RBM33: variants seen among roughly 807,000 people sequenced by gnomAD.
The protein encoded by RBM33 is RNA-binding protein 33.
A neutral mutation model predicts 132.6 loss-of-function variants in RBM33; 28 were observed. The observed-to-expected ratio is 0.21, with a 90% confidence interval of 0.16 to 0.29. The LOEUF (loss-of-function observed/expected upper bound fraction) is 0.29. Among genes scored for constraint, RBM33 ranks in the 10% least tolerant of loss-of-function variants. The pLI is 1.00. For missense variants in RBM33, 1,291 were observed against 1,518.5 expected (o/e 0.85, Z 2.49); for synonymous variants, 634 against 593.0 (o/e 1.07, Z -1.01).
rs1802653683 is a variant in RBM33, at chr7:155,777,487, A to C, written c.*2446A>C. ...GTTTCCTTGAAGGAAACTACAGAAA[A>C]GGAAAGAAGCAGAATGAGAAAGGAA... On this transcript the variant is annotated 3_prime_UTR_variant, in exon 18 of 18. Transcript: ENST00000401878. 6.6e-6 allele frequency: 1 copy of C among 152,196 alleles called. No individual in the cohort carries two copies. Among genetic ancestry groups the C allele is most frequent in the African/African-American group, 2.4e-5 (1 of 41,444 alleles). 9.4% of individuals were successfully genotyped at this position (152,196 alleles called of 1,614,324 possible).
chr7:155,770,645 G>A lies in RBM33; in HGVS notation c.3376-3914G>A, dbSNP rs146557543. On this transcript the variant is annotated intron_variant, in intron 16 of 17. Coordinates refer to ENST00000401878, the MANE Select transcript of RBM33 (RefSeq NM_053043.3). ...AGTGATTCCTTAAGGTGCTAGAATT[G>A]TTGGCCAGAGGGAGAAAAAGAGCTT... is the stretch of plus-strand genomic sequence containing the variant. 1.7e-4 allele frequency among the ~76,000 whole-genome samples: 21 copies of A among 122,542 alleles called. No homozygotes were observed. In the East Asian group the frequency reaches 4.1e-3, roughly 24 times the overall value. The allele number at this position is 122,542 out of a possible 152,430, so 80.4% of individuals were successfully genotyped here. A position where few individuals can be genotyped will look rare whatever the true frequency, so the allele number is the denominator to read the frequency against.
At chr7:155,685,380 C>G (rs1799448534) in intron 5 of RBM33, among the ~76,000 whole-genome samples, 1 of 152,140 alleles carries the variant, frequency 6.6e-6, no homozygotes, top group Non-Finnish European at 1.5e-5. Context: ...TTGGACCATT[C>G]AACAAATACT....
At chr7:155,766,289 T>C (rs1418888970) in intron 15 of RBM33, among the ~76,000 whole-genome samples, 178 bp from the exon 16 acceptor site, 1 of 152,150 alleles carries the variant, frequency 6.6e-6, no homozygotes, top group Non-Finnish European at 1.5e-5. Context: ...TTGCTGGATA[T>C]AGTTGTCTCA....
intron 5 of RBM33, among the ~76,000 whole-genome samples, chr7:155,686,450 A>G (rs1799479662): frequency 6.6e-6 from 1 of 152,000 alleles, no homozygotes; most frequent in Non-Finnish European, 1.5e-5. Flanking sequence ...TGTTAATTCC[A>G]TGTCCTTTTT....
chr7:155,683,625 C>T (rs541459461), intron 5 of RBM33, among the ~76,000 whole-genome samples: 1 of 152,296 alleles, frequency 6.6e-6, no homozygotes, highest in African/African-American at 2.4e-5. Context: ...GGACGCACAG[C>T]TCTGCTGTCC....
chr7:155,680,775 A>G lies in RBM33; in HGVS notation c.434A>G (p.Glu145Gly), dbSNP rs376495229. The G allele has an allele frequency of 1.1e-5, 17 of 1,613,700 alleles. No individual in the cohort carries two copies. The highest frequency in any genetic ancestry group is 1.4e-5 in the Non-Finnish European group (17 of 1,179,810). ...TTGTATACTCAAGAGTACCCAGAAG[A>G]AGGACAGTATGAAGGCCACGAAGCT... Reference protein sequence around the residue: ...SELYTQEYPEEGQYEGHEAEL... With the variant: ...SELYTQEYPEGGQYEGHEAEL... Residue 145 changes from glutamate to glycine, a missense_variant, in exon 5 of 18, where the codon GAA (glutamate) becomes GGA (glycine). Coordinates refer to ENST00000401878, the MANE Select transcript of RBM33 (RefSeq NM_053043.3).
At chr7:155,769,399 C>T (rs1421961406) in intron 16 of RBM33, among the ~76,000 whole-genome samples, 3 of 152,286 alleles carry the variant, frequency 2.0e-5, no homozygotes, top group South Asian at 4.1e-4. Flanking sequence ...CGACTTCTCC[C>T]GAGTCAGCTT....
At position 155,718,403 on chromosome 7, in the gene RBM33, C is replaced by T. The variant is rs899410742; in HGVS notation, c.1220C>T (p.Pro407Leu). The part of the protein sequence containing the change: ...TPVQVPLLPV[P>L]SQPRPAVGPQ... ...CTTGCAGTGCCCTTGCTACCAGTTC[C>T]GAGCCAGCCGAGACCTGCCGTGGGA... is the stretch of plus-strand genomic sequence containing the variant. The change falls in exon 9 of 18, where the codon CCG (proline) becomes CTG (leucine). Residue 407 changes from proline to leucine, a missense_variant. Transcript: ENST00000401878. The T allele has an allele frequency of 1.1e-5, 18 of 1,613,680 alleles. No individual in the cohort carries two copies. The highest frequency in any genetic ancestry group is 1.7e-5 in the Admixed American group (1 of 59,998).
At chr7:155,673,939 A>AGTTGTTGTTTGTTTTT in intron 3 of RBM33, among the ~76,000 whole-genome samples, 1 of 14,358 alleles carries the variant, frequency 7.0e-5, no homozygotes, top group South Asian at 3.4e-3. Flanking sequence ...GTTTAGGCTT[A>AGTTGTTGTTTGTTTTT]GTTTTTTTTT....
Position 155,706,894 on chromosome 7 carries a change from A to G in RBM33, c.774A>G (p.Glu258=). ...LSAEAKAALL[E]FEERERQHKQ... is the part of the protein sequence containing the mutation. ...CAGAGGCCAAGGCAGCATTGCTTGA[A>G]TTTGAAGAAAGGGAGCGACAGCATA... The change falls in exon 7 of 18, where the codon GAA becomes GAG. Residue 258 remains glutamate, a synonymous_variant. Transcript: ENST00000401878. The G allele has an allele frequency of 1.2e-6, 2 of 1,607,144 alleles. No individual in the cohort carries two copies. The highest frequency in any genetic ancestry group is 1.7e-6 in the Non-Finnish European group (2 of 1,177,010).
intron 8 of RBM33, among the ~76,000 whole-genome samples, chr7:155,715,549 C>T (rs1228635920): frequency 2.0e-5 from 3 of 152,200 alleles, no homozygotes; most frequent in African/African-American, 4.8e-5. Context: ...TTAGCAACTA[C>T]TCCAAGGTCA....
chr7:155,665,873 G>C (rs1340306066), intron 2 of RBM33, among the ~76,000 whole-genome samples: 3 of 152,182 alleles, frequency 2.0e-5, no homozygotes, highest in African/African-American at 4.8e-5. Context: ...GGGTGGTGGG[G>C]CTGAGAAATG....
At chr7:155,689,330 A>T (rs9654719) in intron 5 of RBM33, among the ~76,000 whole-genome samples, 4,160 of 152,226 alleles carry the variant, frequency 0.027, 72 homozygotes, top group Middle Eastern at 0.038. Flanking sequence ...CCGCTTTATC[A>T]TTTTTTATTG....
chr7:155,681,684 C>G (rs1461281243), intron 5 of RBM33, among the ~76,000 whole-genome samples: 1 of 151,912 alleles, frequency 6.6e-6, no homozygotes. Context: ...GTGAATGGGG[C>G]TGTTGGGATG....
chr7:155,767,741 A>G (rs1802272158), intron 16 of RBM33, among the ~76,000 whole-genome samples: 1 of 152,198 alleles, frequency 6.6e-6, no homozygotes, highest in South Asian at 2.1e-4. Context: ...TTTGTGATAG[A>G]GCGGGCTCCC....
intron 3 of RBM33, among the ~76,000 whole-genome samples, chr7:155,673,939 A>AGTTGTTGTT (rs144951964): frequency 7.0e-5 from 1 of 14,348 alleles, no homozygotes; most frequent in African/African-American, 2.8e-4. Context: ...GTTTAGGCTT[A>AGTTGTTGTT]GTTTTTTTTT....
chr7:155,649,884 T>G (rs1201510873), intron 1 of RBM33, among the ~76,000 whole-genome samples: 1 of 152,234 alleles, frequency 6.6e-6, no homozygotes, highest in Non-Finnish European at 1.5e-5. Context: ...AACCTTAGCC[T>G]CACCTTCTGC....
chr7:155,673,777 C>CACACACAG (rs1799069732), intron 3 of RBM33, among the ~76,000 whole-genome samples: 1 of 145,254 alleles, frequency 6.9e-6, no homozygotes, highest in Non-Finnish European at 1.5e-5. Flanking sequence ...CGCACACACA[C>CACACACAG]ACACACACAC....
chr7:155,713,826 T>C (rs774945453), intron 8 of RBM33, among the ~76,000 whole-genome samples: 5 of 152,288 alleles, frequency 3.3e-5, no homozygotes, highest in African/African-American at 7.2e-5. Flanking sequence ...AAAAACATCA[T>C]TGATGCAGAT....
Sources: allele counts gnomAD v4.1 joint callset (sites outside exome capture counted in the v4.1 genomes callset), GRCh38; gene constraint gnomAD v4.1.1; transcripts MANE v1.5; gene names NCBI Gene and HGNC (gene_info 2026-07-23, HGNC 2026-07-21).